The following DACH2 variants were observed in gnomAD, a reference collection of about 807,000 sequenced individuals.
DACH2 encodes the protein dachshund family transcription factor 2.
In DACH2, 17 loss-of-function variants were observed where a neutral mutation model predicts 35.8. The ratio of observed to expected loss-of-function variants is 0.48; its 90% CI spans 0.33 to 0.71. DACH2 has a LOEUF of 0.71. Ranked by LOEUF, DACH2 falls within the 30% of genes least tolerant of loss-of-function variation. The pLI is 0.02. For missense variants in DACH2, 469 were observed against 472.7 expected, an observed-to-expected ratio of 0.99 and a Z score of 0.07; for synonymous variants, 195 against 177.3, an observed-to-expected ratio of 1.10 and a Z score of -0.79.
intron 7 of DACH2, among the ~76,000 whole-genome samples, chrX:86,808,732 C>G (rs903325588): frequency 3.6e-5 from 4 of 110,093 alleles, no homozygotes; most frequent in Non-Finnish European, 5.7e-5. Flanking sequence ...TACTTGATAA[C>G]GAATAAAACT....
chrX:86,298,293 A>T (rs1602376392), intron 1 of DACH2, among the ~76,000 whole-genome samples: 1 of 111,494 alleles, frequency 9.0e-6, no homozygotes, highest in Non-Finnish European at 1.9e-5. Context: ...TTTCCTTCTT[A>T]TGATTTTTGT....
In DACH2 at chrX:86,809,889, T is replaced by C. The variant is rs191304464; in HGVS notation, c.1241-2967T>C. Among the ~76,000 whole-genome samples, 86 of 111,305 alleles carry C rather than the reference T, an allele frequency of 7.7e-4. No homozygotes were observed. In the East Asian group the frequency reaches 0.02, roughly 26 times the overall value. On this transcript the variant is annotated intron_variant, in intron 7 of 11. Coordinates refer to ENST00000373125, the MANE Select transcript of DACH2 (RefSeq NM_053281.3). ...CTTTTGATAGAAGCTTAGATCCGTG[T>C]GCTGTCTCTATGTGTCTCTCTTGAG...
chrX:86,413,769 A>G (rs1251279924), intron 2 of DACH2, among the ~76,000 whole-genome samples: 1 of 111,171 alleles, frequency 9.0e-6, no homozygotes, highest in Non-Finnish European at 1.9e-5. Flanking sequence ...GCTGCGAAGT[A>G]TGTCTATGCC....
At chrX:86,540,876 T>C (rs1353251959) in intron 3 of DACH2, among the ~76,000 whole-genome samples, 2 of 111,803 alleles carry the variant, frequency 1.8e-5, no homozygotes, top group Non-Finnish European at 3.8e-5. Context: ...AGCCCATATG[T>C]TTATGAATGC....
At chrX:86,241,947 C>T (rs2033174224) in intron 1 of DACH2, among the ~76,000 whole-genome samples, 1 of 112,574 alleles carries the variant, frequency 8.9e-6, no homozygotes, top group Non-Finnish European at 1.9e-5. Context: ...GTTTGGGAAC[C>T]TCCGCCTAGA....
At chrX:86,815,923 A>T in intron 10 of DACH2, 111 bp from the exon 11 acceptor site, 2 of 483,100 alleles carry the variant, frequency 4.1e-6, no homozygotes, top group Non-Finnish European at 6.2e-6. Context: ...AATGCCACCC[A>T]AGGTCTTATG....
At chrX:86,488,564 A>G (rs2038050179) in intron 2 of DACH2, among the ~76,000 whole-genome samples, 1 of 110,547 alleles carries the variant, frequency 9.0e-6, no homozygotes, top group Admixed American at 9.8e-5. Context: ...CAGTTTCATT[A>G]TCTTTAAAAT....
rs188963255 is a variant in DACH2, at chrX:86,647,100, G to A, written c.641-3936G>A. ...GTGAGAATGTAAACTGGTTTAGCCAGTATGGAAAACAGTATGTTGGTTTCT... is the reference window on the plus strand; with the variant it reads ...GTGAGAATGTAAACTGGTTTAGCCAATATGGAAAACAGTATGTTGGTTTCT... On this transcript the variant is annotated intron_variant, in intron 3 of 11. Transcript: ENST00000373125. 3.9e-3 allele frequency among the ~76,000 whole-genome samples: 427 copies of A among 110,070 alleles called. 1 individual carries two copies. Among genetic ancestry groups the A allele is most frequent in the African/African-American group, 0.013 (412 of 30,522 alleles).
chrX:86,681,809 G>A (rs2040885512), intron 4 of DACH2, among the ~76,000 whole-genome samples: 1 of 108,878 alleles, frequency 9.2e-6, no homozygotes, highest in African/African-American at 3.3e-5. Context: ...TAGTAATAAT[G>A]CCTTTTCCAC....
chrX:86,618,721 C>T (rs1348341805), intron 3 of DACH2, among the ~76,000 whole-genome samples: 1 of 112,052 alleles, frequency 8.9e-6, no homozygotes, highest in Non-Finnish European at 1.9e-5. Context: ...ACAGACTTTT[C>T]ATGAGTAGTT....
At position 86,793,715 on chromosome X, in the gene DACH2, A is replaced by G. The variant is rs373678025; in HGVS notation, c.1241-19141A>G. On this transcript the variant is annotated intron_variant, in intron 7 of 11. Coordinates refer to ENST00000373125, the MANE Select transcript of DACH2 (RefSeq NM_053281.3). ...AAGGCTTATTTTTCTACTCTGGCTC[A>G]TTCAAAACTTACACAAACACGTAAA... 1.5e-4 allele frequency among the ~76,000 whole-genome samples: 17 copies of G among 112,536 alleles called. No homozygotes were observed. In the East Asian group the frequency reaches 3.6e-3, roughly 24 times the overall value.
chrX:86,383,315 AG>A (rs1467373794), intron 2 of DACH2, among the ~76,000 whole-genome samples: 1 of 109,110 alleles, frequency 9.2e-6, no homozygotes, highest in African/African-American at 3.3e-5. Context: ...TTAAAAAACA[AG>A]AAAGGAGGAA....
intron 2 of DACH2, among the ~76,000 whole-genome samples, chrX:86,382,234 A>G (rs1041267822): frequency 1.8e-5 from 2 of 109,042 alleles, no homozygotes; most frequent in Non-Finnish European, 3.8e-5. Context: ...TAAGGGGGTA[A>G]GTAATTAGAT....
intron 1 of DACH2, among the ~76,000 whole-genome samples, chrX:86,155,989 A>G (rs1016319582): frequency 5.4e-5 from 6 of 110,966 alleles, no homozygotes; most frequent in Admixed American, 3.8e-4. Context: ...CTTTTTTTCA[A>G]TTTTTCTTTA....
chrX:86,415,444 A>G (rs375235672), intron 2 of DACH2, among the ~76,000 whole-genome samples: 1 of 112,231 alleles, frequency 8.9e-6, no homozygotes, highest in East Asian at 2.8e-4. Context: ...TTTGATAAGA[A>G]AAAGAAAAGA....
At chrX:86,303,895 C>T (rs1000631979) in intron 1 of DACH2, among the ~76,000 whole-genome samples, 2 of 111,024 alleles carry the variant, frequency 1.8e-5, no homozygotes, top group African/African-American at 3.3e-5. Context: ...TCTGAAAATT[C>T]GTATGGAACC....
chrX:86,319,159 T>C (rs1245226201), intron 1 of DACH2, among the ~76,000 whole-genome samples: 1 of 111,948 alleles, frequency 8.9e-6, no homozygotes, highest in East Asian at 2.8e-4. Context: ...TATTTCAGAG[T>C]TTAATTTACA....
intron 6 of DACH2, among the ~76,000 whole-genome samples, chrX:86,719,029 TG>T (rs1215078944): frequency 8.9e-6 from 1 of 112,278 alleles, no homozygotes; most frequent in Non-Finnish European, 1.9e-5. Context: ...AATTTTTTTA[TG>T]GATTGCGTTA....
chrX:86,778,452 A>G (rs2042056900), intron 7 of DACH2, among the ~76,000 whole-genome samples: 1 of 111,634 alleles, frequency 9.0e-6, no homozygotes, highest in South Asian at 3.8e-4. Context: ...AATAAGTCAA[A>G]CACATGCAAT....
Sources: gnomAD v4.1 joint callset for allele counts (sites outside exome capture counted in the v4.1 genomes callset) on GRCh38, gnomAD v4.1.1 for gene constraint, MANE v1.5 for transcripts, NCBI Gene and HGNC (gene_info 2026-07-23, HGNC 2026-07-21) for gene names.